SLC35F1: variants seen among roughly 807,000 people sequenced by gnomAD.
SLC35F1 encodes the protein solute carrier family 35 member F1, also known as chromosome 6 open reading frame 169.
A neutral mutation model predicts 48.7 loss-of-function variants in SLC35F1; 14 were observed. That is an observed-to-expected ratio of 0.29 (90% CI 0.19 to 0.45). The LOEUF is 0.45. SLC35F1 is among the 20% of genes least tolerant of loss of function. The pLI, the probability that SLC35F1 is intolerant of heterozygous loss-of-function variation, is 1.00. For missense variants in SLC35F1, 404 were observed against 500.0 expected, an observed-to-expected ratio of 0.81 and a Z score of 1.83; for synonymous variants, 190 against 202.2, an observed-to-expected ratio of 0.94 and a Z score of 0.51.
intron 1 of SLC35F1, among the ~76,000 whole-genome samples, chr6:118,001,235 CT>C (rs1253051025): frequency 3.9e-5 from 6 of 152,186 alleles, no homozygotes; most frequent in African/African-American, 1.4e-4. Context: ...CAGCATGGTA[CT>C]TGTTTCAAAA....
intron 3 of SLC35F1, among the ~76,000 whole-genome samples, chr6:118,253,500 G>A (rs1241866616): frequency 6.6e-6 from 1 of 152,116 alleles, no homozygotes; most frequent in African/African-American, 2.4e-5. Context: ...AAGAAGTTTG[G>A]CAGGAAAGGA....
chr6:118,295,929 C>G (rs1776178804), intron 7 of SLC35F1, among the ~76,000 whole-genome samples: 1 of 152,130 alleles, frequency 6.6e-6, no homozygotes, highest in Middle Eastern at 3.2e-3. Flanking sequence ...TTGGCTTTCC[C>G]CTGCACTGTT....
chr6:118,297,504 A>G (rs1776201044), intron 7 of SLC35F1, among the ~76,000 whole-genome samples: 1 of 151,716 alleles, frequency 6.6e-6, no homozygotes, highest in Non-Finnish European at 1.5e-5. Flanking sequence ...GTTAGCAGTG[A>G]GTCTACCAGG....
chr6:117,987,451 C>T (rs995436020), intron 1 of SLC35F1, among the ~76,000 whole-genome samples: 5 of 151,706 alleles, frequency 3.3e-5, no homozygotes, highest in African/African-American at 9.7e-5. Flanking sequence ...TCCTCCCTTC[C>T]CTTCTCCTTT....
At chr6:118,228,569 C>G (rs1385687884) in intron 2 of SLC35F1, among the ~76,000 whole-genome samples, 1 of 151,936 alleles carries the variant, frequency 6.6e-6, no homozygotes, top group Non-Finnish European at 1.5e-5. Context: ...TGGCGTGCAT[C>G]TGTAGTCCCA....
intron 2 of SLC35F1, among the ~76,000 whole-genome samples, chr6:118,200,677 C>A (rs1774863010): frequency 6.6e-6 from 1 of 152,096 alleles, no homozygotes. Flanking sequence ...CTGTTATACC[C>A]CAGTGTGTTA....
chr6:118,027,378 A>T (rs76242340), intron 1 of SLC35F1, among the ~76,000 whole-genome samples: 2,884 of 152,264 alleles, frequency 0.019, 89 homozygotes, highest in African/African-American at 0.065. Flanking sequence ...CTGTTTCCAC[A>T]GTGGCTGTAC....
Position 118,156,220 on chromosome 6 carries a change from T to C in SLC35F1, c.349+1600T>C, listed in dbSNP as rs142710326. 5.9e-3 allele frequency among the ~76,000 whole-genome samples: 892 copies of C among 151,924 alleles called. 4 individuals carry two copies. The highest frequency in any genetic ancestry group is 0.014 in the Middle Eastern group (4 of 294). ...AATAGTTTTGAATGATGTAAATGTG[T>C]TATCTAAGTGTCAAAAAAAAAAAGC... On this transcript the variant is annotated intron_variant, in intron 2 of 7. Transcript: ENST00000360388.
At chr6:118,215,881 T>C (rs1018864992) in intron 2 of SLC35F1, among the ~76,000 whole-genome samples, 6 of 152,122 alleles carry the variant, frequency 3.9e-5, no homozygotes, top group Non-Finnish European at 8.8e-5. Context: ...AAGGGCTCAG[T>C]CCATCACTCT....
chr6:118,233,245 G>A (rs149885281), intron 2 of SLC35F1, among the ~76,000 whole-genome samples: 211 of 152,330 alleles, frequency 1.4e-3, no homozygotes, highest in African/African-American at 4.0e-3. Context: ...GATTACAGGC[G>A]TGAGCCACCG....
chr6:118,210,708 C>A (rs1185166535), intron 2 of SLC35F1, among the ~76,000 whole-genome samples: 1 of 152,188 alleles, frequency 6.6e-6, no homozygotes. Context: ...CCTATTCACT[C>A]AAGGGGAACC....
chr6:118,250,538 G>A (rs765784826), intron 3 of SLC35F1, among the ~76,000 whole-genome samples: 5 of 152,196 alleles, frequency 3.3e-5, no homozygotes, highest in African/African-American at 9.6e-5. Context: ...ATACAGAGAC[G>A]TATGGGAGCC....
rs142811786 is a variant in SLC35F1, at chr6:118,051,364, C to A, written c.174-103081C>A. Among the ~76,000 whole-genome samples the A allele has an allele frequency of 7.2e-4, 110 of 152,288 alleles. 1 individual carries two copies. The East Asian group carries it at 0.02, about 28-fold the overall frequency. On this transcript the variant is annotated intron_variant, in intron 1 of 7. Transcript: ENST00000360388. The stretch of plus-strand genomic sequence containing the variant: ...GGAGCCAGCTCTCTTGACAGCTTTG[C>A]ACTTGACTATTGCTCAGTACCTCAC...
Position 118,039,808 on chromosome 6 carries a change from G to GTT in SLC35F1, c.174-114626_174-114625dup, listed in dbSNP as rs201281915. Among the ~76,000 whole-genome samples, 24 of 119,192 alleles carry GTT rather than the reference G, an allele frequency of 2.0e-4. 2 individuals are homozygous for GTT. The highest frequency in any genetic ancestry group is 5.6e-3 in the Middle Eastern group (1 of 178). 78.2% of individuals were successfully genotyped at this position (119,192 alleles called of 152,430 possible). ...TAAGCATCTCAGGATTGTTTTTTTT[G>GTT]TTTTTTTTTTTTGCTTCAGACTGGC... is the stretch of plus-strand genomic sequence containing the variant. On this transcript the variant is annotated intron_variant, in intron 1 of 7. Transcript: ENST00000360388.
chr6:118,221,760 A>G (rs146470396), intron 2 of SLC35F1, among the ~76,000 whole-genome samples: 1 of 152,136 alleles, frequency 6.6e-6, no homozygotes, highest in African/African-American at 2.4e-5. Context: ...TTTTATCCCT[A>G]CCCTCACCAT....
In SLC35F1 at chr6:118,286,585, C is replaced by T. The variant is rs182151724; in HGVS notation, c.1002+1247C>T. ...GAGATGGTACAAGTTGAGAAAGTGGCTGTGACAGCAGACAGGAATAAAGTT... is the reference window on the plus strand; with the variant it reads ...GAGATGGTACAAGTTGAGAAAGTGGTTGTGACAGCAGACAGGAATAAAGTT... On this transcript the variant is annotated intron_variant, in intron 7 of 7. Transcript: ENST00000360388. Among the ~76,000 whole-genome samples the T allele has an allele frequency of 2.0e-5, 3 of 152,202 alleles. No individual in the cohort carries two copies. The East Asian group carries it at 5.8e-4, about 29-fold the overall frequency.
At chr6:118,255,702 T>C (rs1775633346) in intron 3 of SLC35F1, among the ~76,000 whole-genome samples, 1 of 152,212 alleles carries the variant, frequency 6.6e-6, no homozygotes, top group Non-Finnish European at 1.5e-5. Context: ...AATTTACACA[T>C]TTAAATTCCT....
At chr6:118,305,047 AATGTGTGT>A (rs1418775067) in intron 7 of SLC35F1, among the ~76,000 whole-genome samples, 7 of 68,668 alleles carry the variant, frequency 1.0e-4, no homozygotes, top group African/African-American at 2.3e-4. Context: ...AATCAACAGG[AATGTGTGT>A]GTGTGTGTGT....
chr6:118,297,334 T>C (rs926553504), intron 7 of SLC35F1, among the ~76,000 whole-genome samples: 28 of 152,280 alleles, frequency 1.8e-4, no homozygotes, highest in Admixed American at 1.1e-3. Flanking sequence ...CTTAGGAGGC[T>C]GGATTTCATC....
Sources: gnomAD v4.1 joint callset for allele counts (sites outside exome capture counted in the v4.1 genomes callset) on GRCh38, gnomAD v4.1.1 for gene constraint, MANE v1.5 for transcripts, NCBI Gene and HGNC (gene_info 2026-07-23, HGNC 2026-07-21) for gene names.